TTN: variants seen among roughly 807,000 people sequenced by gnomAD.
TTN encodes the protein connectin.
TTN carries 1,525 observed loss-of-function variants against 3,223.0 expected under a neutral mutation model. That is an observed-to-expected ratio of 0.47 (90% CI 0.45 to 0.49). TTN has a LOEUF of 0.49. Among genes scored for constraint, TTN ranks in the 20% least tolerant of loss-of-function variants. The probability of loss-of-function intolerance (pLI) is 0.00; values close to 1 mark genes in which losing one functional copy is unlikely to be tolerated. For synonymous variants in TTN, 14,094 were observed against 15,161.0 expected (o/e 0.93, Z 5.17); for missense variants, 40,786 against 43,424.0 (o/e 0.94, Z 5.40).
At position 178,582,435 on chromosome 2, in the gene TTN, A is replaced by G. The variant is rs370252623; in HGVS notation, c.66021T>C (p.Ser22007=). 3.7e-6 allele frequency: 6 copies of G among 1,612,980 alleles called. No homozygotes were observed. Among genetic ancestry groups the G allele is most frequent in the Non-Finnish European group, 5.1e-6 (6 of 1,179,382 alleles). Residue 22007 remains serine, a synonymous_variant, in exon 314 of 363, where the codon TCT becomes TCC. Transcript: ENST00000589042. The stretch of plus-strand genomic sequence containing the variant: ...TGCAGCTGGTGATAGGCACAGTTGC[A>G]GAGACTTGAGCCCAGTTGGGCCTGC... ...ETSRPNWAQV[S]ATVPITSCSV... is the part of the protein sequence containing the mutation.
rs962394409 is a variant in TTN at position 178,545,259 on chromosome 2, A to T, written c.95722+129T>A. 3 of 778,954 alleles carry T rather than the reference A, an allele frequency of 3.9e-6. No homozygotes were observed. In the African/African-American group the frequency reaches 5.2e-5, roughly 14 times the overall value. The allele number at this position is 778,954 out of a possible 1,614,324, so 48.3% of individuals were successfully genotyped here. On this transcript the variant is annotated intron_variant, in intron 344 of 362. Transcript: ENST00000589042. ...TCTGACTTAAGCTATATTTATGATCATGCAAATAAGCATGTGCTTTTCTAG... is the reference window on the plus strand; with the variant it reads ...TCTGACTTAAGCTATATTTATGATCTTGCAAATAAGCATGTGCTTTTCTAG...
rs754756569 is a variant in TTN, at chr2:178,590,110, C to T, written c.61615G>A (p.Ala20539Thr). 1.2e-6 allele frequency: 2 copies of T among 1,613,248 alleles called. No homozygotes were observed. The highest frequency in any genetic ancestry group is 2.2e-5 in the East Asian group (1 of 44,760). The change falls in exon 304 of 363, where the codon GCT (alanine) becomes ACT (threonine). Residue 20539 changes from alanine to threonine, a missense_variant. Transcript: ENST00000589042. ...TACTTGCCATGATCAGCTCTAACAG[C>T]TTCTTTAATTTGTAACTCAACACGA... ...LPRVELQIKE[A>T]VRADHGKYII...
chr2:178,752,520 C>T (rs551618696), intron 47 of TTN, among the ~76,000 whole-genome samples: 9 of 151,834 alleles, frequency 5.9e-5, no homozygotes, highest in African/African-American at 1.9e-4. Flanking sequence ...AATGAGAAGG[C>T]GTTTATTCGA....
intron 2 of TTN, among the ~76,000 whole-genome samples, chr2:178,803,845 T>C (rs1287388515): frequency 6.6e-6 from 1 of 152,100 alleles, no homozygotes; most frequent in African/African-American, 2.4e-5. Context: ...CATGCATTTT[T>C]TTGAACCATC....
chr2:178,566,267 G>A lies in TTN; in HGVS notation c.79865C>T (p.Pro26622Leu), dbSNP rs532706350. The A allele has an allele frequency of 5.8e-5, 94 of 1,613,674 alleles. 2 individuals carry two copies. The East Asian group carries it at 2.1e-3, about 36-fold the overall frequency. The change falls in exon 326 of 363, where the codon CCT becomes CTT. Residue 26622 changes from proline (P) to leucine (L), a missense_variant. By Grantham distance (98) the Pro-to-Leu change is moderately conservative. Coordinates refer to ENST00000589042, the MANE Select transcript of TTN (RefSeq NM_001267550.2). ...TTCCTCTCGAGACCAAGTGATCTCAGGCGTTGGACGACCTTTGAATGGAAT... is the reference window on the plus strand; with the variant it reads ...TTCCTCTCGAGACCAAGTGATCTCAAGCGTTGGACGACCTTTGAATGGAAT... ...IHIPFKGRPTPEITWSREEGE... is the reference protein window; with the variant it reads ...IHIPFKGRPTLEITWSREEGE...
intron 223 of TTN, among the ~76,000 whole-genome samples, 171 bp from the exon 224 acceptor site, chr2:178,637,590 T>A (rs2060665955): frequency 6.6e-6 from 1 of 152,068 alleles, no homozygotes; most frequent in Non-Finnish European, 1.5e-5. Flanking sequence ...AGGCATATTC[T>A]GAGACTGAAG....
chr2:178,593,250 C>T lies in TTN; in HGVS notation c.58958G>A (p.Arg19653Gln), dbSNP rs1398360418. 6 of 1,613,180 alleles carry T rather than the reference C, an allele frequency of 3.7e-6. No homozygotes were observed. The highest frequency in any genetic ancestry group is 3.3e-5 in the South Asian group (3 of 91,048). The change falls in exon 299 of 363, where the codon CGG (arginine) becomes CAG (glutamine). Residue 19653 changes from arginine (R) to glutamine (Q), a missense_variant. Coordinates refer to ENST00000589042, the MANE Select transcript of TTN (RefSeq NM_001267550.2). ...ACCAATTTCATTTTCTGCAGAAACC[C>T]GGAATTCATACTGACATCCTTCTAG... ...DLLEGCQYEF[R>Q]VSAENEIGIG...
In TTN at chr2:178,577,154, A is replaced by G; in HGVS notation, c.69181T>C (p.Trp23061Arg). 6.2e-7 allele frequency: 1 copy of G among 1,613,112 alleles called. No individual in the cohort carries two copies. Among genetic ancestry groups the G allele is most frequent in the Non-Finnish European group, 8.5e-7 (1 of 1,179,456 alleles). ...NVSAEKATLT[W>R]TPPLEDGGSP... ...CCGCCATCTTCCAAGGGAGGTGTCC[A>G]TGTAAGTGTTGCTTTTTCAGCAGAA... Residue 23061 changes from tryptophan to arginine, a missense_variant, in exon 324 of 363, where the codon TGG becomes CGG. Trp to Arg is a moderately radical substitution (Grantham distance 101, BLOSUM62 -3). Coordinates refer to ENST00000589042, the MANE Select transcript of TTN (RefSeq NM_001267550.2).
In TTN at chr2:178,652,706, T is replaced by C. The variant is rs1174449187; in HGVS notation, c.38990A>G (p.Glu12997Gly). 1 of 1,613,358 alleles carries C rather than the reference T, an allele frequency of 6.2e-7. No individual in the cohort carries two copies. Among genetic ancestry groups the C allele is most frequent in the South Asian group, 1.1e-5 (1 of 91,048 alleles). Residue 12997 changes from glutamate to glycine, a missense_variant, in exon 201 of 363, where the codon GAA becomes GGA. Glu to Gly is a moderately conservative substitution (Grantham distance 98). Coordinates refer to ENST00000589042, the MANE Select transcript of TTN (RefSeq NM_001267550.2). ...AGGAGGAGCCGAGGGCACTTTCTTT[T>C]CAGGAACAACCTCTTTGGGAGCCTC... ...VPEAPKEVVP[E>G]KKVPSAPPKK...
chr2:178,669,785 A>G (rs1004160964), intron 157 of TTN, 110 bp from the exon 158 acceptor site: 3 of 1,022,572 alleles, frequency 2.9e-6, no homozygotes, highest in African/African-American at 3.2e-5. Context: ...CCCCTCAATT[A>G]TAAGTCAACT....
In TTN at chr2:178,542,346, A is replaced by G. The variant is rs886055228; in HGVS notation, c.97410T>C (p.Tyr32470=). 3 of 1,613,522 alleles carry G rather than the reference A, an allele frequency of 1.9e-6. No homozygotes were observed. Among genetic ancestry groups the G allele is most frequent in the Admixed American group, 1.7e-5 (1 of 59,988 alleles). ...KFTRLTEGNE[Y]VFRVAATNRF... ...GGTTTGTTGCAGCCACACGGAACAC[A>G]TACTCATTTCCTTCGGTGAGTCTGG... is the stretch of plus-strand genomic sequence containing the variant. The change falls in exon 349 of 363, where the codon TAT becomes TAC. Residue 32470 remains tyrosine, a synonymous_variant. Coordinates refer to ENST00000589042, the MANE Select transcript of TTN (RefSeq NM_001267550.2).
Position 178,578,057 on chromosome 2 carries a change from C to G in TTN, c.68458G>C (p.Ala22820Pro), listed in dbSNP as rs72646880. 3,002 of 1,613,208 alleles carry G rather than the reference C, an allele frequency of 1.9e-3. 5 individuals are homozygous for G. The highest frequency in any genetic ancestry group is 4.3e-3 in the Middle Eastern group (26 of 6,054). Residue 22820 changes from alanine (A) to proline (P), a missense_variant, in exon 322 of 363, where the codon GCA becomes CCA. Physicochemically the swap from Ala to Pro is conservative, Grantham distance 27. Coordinates refer to ENST00000589042, the MANE Select transcript of TTN (RefSeq NM_001267550.2). ...EGLEYEFRVM[A>P]INLAGVGKPS... ...TTGCCCACACCTGCTAAATTGATTGCCATAACTCGGAATTCATATTCAAGA... is the reference window on the plus strand; with the variant it reads ...TTGCCCACACCTGCTAAATTGATTGGCATAACTCGGAATTCATATTCAAGA...
In TTN at chr2:178,579,349, A is replaced by G. The variant is rs397517671; in HGVS notation, c.67681T>C (p.Leu22561=). The G allele has an allele frequency of 2.9e-5, 47 of 1,601,588 alleles. No individual in the cohort carries two copies. The highest frequency in any genetic ancestry group is 3.5e-5 in the Non-Finnish European group (41 of 1,174,494). ...CGGAAGTTGCTGTTTTCTTTAGCCA[A>G]GTAGCACAAATCAGGTAGACCCTTT... The part of the protein sequence containing the change: ...DLKGLPDLCY[L]AKENSNFRLK... The change falls in exon 320 of 363, where the codon TTG becomes CTG. Residue 22561 remains leucine, a synonymous_variant. Transcript: ENST00000589042.
Position 178,699,920 on chromosome 2 carries a change from G to A in TTN, c.30683-1006C>T, listed in dbSNP as rs889572390. On this transcript the variant is annotated intron_variant, in intron 111 of 362. Transcript: ENST00000589042. ...TTTTTTGTATTTTTAGTAGAGACGC[G>A]GTTTCATCGTGGTCTCGATCTCCTG... is the stretch of plus-strand genomic sequence containing the variant. Among the ~76,000 whole-genome samples the A allele has an allele frequency of 4.4e-5, 6 of 135,252 alleles. No homozygotes were observed. The East Asian group carries it at 7.0e-4, about 16-fold the overall frequency. 88.7% of individuals were successfully genotyped at this position (135,252 alleles called of 152,430 possible).
rs747975523 is a variant in TTN, at chr2:178,652,087, C to G, written c.39295+9G>C. 2 of 1,613,340 alleles carry G rather than the reference C, an allele frequency of 1.2e-6. No homozygotes were observed. Among genetic ancestry groups the G allele is most frequent in the Non-Finnish European group, 1.7e-6 (2 of 1,179,658 alleles). ...TAAAAAACACTAATTTGAATAGTTT[C>G]ATTATTACCTTCAGGGGGAGGACTT... On this transcript the variant is annotated intron_variant, in intron 204 of 362. Transcript: ENST00000589042.
Position 178,681,189 on chromosome 2 carries a change from A to G in TTN, c.33248-18T>C. Reference sequence around the variant, plus strand: ...TTCAGGCACTTTAAAGATATTAATTATTAAAGAGCATTAAAACCAACTCCT... The same window carrying G: ...TTCAGGCACTTTAAAGATATTAATTGTTAAAGAGCATTAAAACCAACTCCT... On this transcript the variant is annotated intron_variant, in intron 137 of 362. Coordinates refer to ENST00000589042, the MANE Select transcript of TTN (RefSeq NM_001267550.2). 1 of 1,576,626 alleles carries G rather than the reference A, an allele frequency of 6.3e-7. No homozygotes were observed. The highest frequency in any genetic ancestry group is 1.2e-5 in the South Asian group (1 of 85,078).
rs1709360511 is a variant in TTN, at chr2:178,574,446, C to CTATTT, written c.71685_71686insAAATA (p.Ala23896LysfsTer2). On this transcript the variant is annotated frameshift_variant, in exon 326 of 363. Transcript: ENST00000589042. LOFTEE classifies it high-confidence loss of function. ...TCTGCAATCACCCGGAACTCATAAG[C>CTATTT]AATACCATCTGTAAGTCCACTTGAT... is the stretch of plus-strand genomic sequence containing the variant. 6.2e-7 allele frequency: 1 copy of CTATTT among 1,613,588 alleles called. No individual in the cohort carries two copies. The highest frequency in any genetic ancestry group is 8.5e-7 in the Non-Finnish European group (1 of 1,179,632).
At position 178,746,199 on chromosome 2, in the gene TTN, A is replaced by G. The variant is rs2154323833; in HGVS notation, c.11312-4278T>C. On this transcript the variant is annotated intron_variant, in intron 47 of 362. Transcript: ENST00000589042. ...GGAGTCGGGATCCCTATGACTGAAC[A>G]TTTGAATACAGCATCTGAATTTTCT... 1.2e-6 allele frequency: 2 copies of G among 1,613,136 alleles called. No homozygotes were observed. Among genetic ancestry groups the G allele is most frequent in the East Asian group, 2.2e-5 (1 of 44,806 alleles).
chr2:178,540,223 G>T lies in TTN; in HGVS notation c.97943C>A (p.Thr32648Asn), dbSNP rs775309560. ...EMQKVDQHEW[T>N]KCNTTPTKIR... Reference sequence around the variant, plus strand: ...CTTGGTTGGAGTGGTGTTACACTTGGTCCATTCATGTTGATCTACTTTTTG... The same window carrying T: ...CTTGGTTGGAGTGGTGTTACACTTGTTCCATTCATGTTGATCTACTTTTTG... Residue 32648 changes from threonine to asparagine, a missense_variant, in exon 351 of 363, where the codon ACC becomes AAC. Physicochemically the swap from Thr to Asn is moderately conservative, Grantham distance 65. Transcript: ENST00000589042. The T allele has an allele frequency of 1.4e-5, 23 of 1,613,612 alleles. No individual in the cohort carries two copies. The highest frequency in any genetic ancestry group is 4.0e-5 in the African/African-American group (3 of 74,856).
Sources: gnomAD v4.1 joint callset for allele counts (sites outside exome capture counted in the v4.1 genomes callset) on GRCh38, gnomAD v4.1.1 for gene constraint, MANE v1.5 for transcripts, NCBI Gene and HGNC (gene_info 2026-07-23, HGNC 2026-07-21) for gene names.